HIBADH: variants seen among roughly 807,000 people sequenced by gnomAD.
HIBADH encodes 3-hydroxyisobutyrate dehydrogenase.
A neutral mutation model predicts 36.1 loss-of-function variants in HIBADH; 25 were observed. The observed-to-expected ratio is 0.69, with a 90% CI of 0.50 to 0.97. The LOEUF (loss-of-function observed/expected upper bound fraction) is 0.97. Among genes scored for constraint, HIBADH ranks in the 50% least tolerant of loss-of-function variants. The pLI is 0.00. For synonymous variants in HIBADH, 160 were observed against 149.5 expected (o/e 1.07, Z -0.51); for missense variants, 421 against 418.0 (o/e 1.01, Z -0.06).
chr7:27,640,064 G>A (rs1011750229), intron 2 of HIBADH, among the ~76,000 whole-genome samples: 5 of 152,148 alleles, frequency 3.3e-5, no homozygotes, highest in South Asian at 2.1e-4. Context: ...GCCACCCTCC[G>A]TGCCCAGTGG....
intron 4 of HIBADH, among the ~76,000 whole-genome samples, chr7:27,566,374 C>CAA (rs374594799): frequency 3.1e-4 from 45 of 147,170 alleles, no homozygotes; most frequent in African/African-American, 1.0e-3. Flanking sequence ...TTGTGGCTCT[C>CAA]AAAAAAAAAA....
chr7:27,582,053 C>G (rs896751260), intron 4 of HIBADH, among the ~76,000 whole-genome samples: 2 of 152,074 alleles, frequency 1.3e-5, no homozygotes, highest in Admixed American at 1.3e-4. Flanking sequence ...GCCAAAAAGA[C>G]TTCATGCTTT....
intron 1 of HIBADH, among the ~76,000 whole-genome samples, chr7:27,660,752 A>G (rs183474432): frequency 9.2e-5 from 14 of 152,312 alleles, no homozygotes; most frequent in African/African-American, 3.4e-4. Context: ...AATTTATCAG[A>G]AATCTATATT....
intron 6 of HIBADH, among the ~76,000 whole-genome samples, chr7:27,535,078 TTTA>T (rs1200812727): frequency 1.3e-5 from 2 of 148,406 alleles, no homozygotes; most frequent in African/African-American, 2.5e-5. Flanking sequence ...ATTTTATGAG[TTTA>T]TTAAGAAATT....
chr7:27,619,257 A>G (rs115310872), intron 4 of HIBADH, among the ~76,000 whole-genome samples: 5,199 of 152,286 alleles, frequency 0.034, 116 homozygotes, highest in South Asian at 0.093. Flanking sequence ...AACCGTAATC[A>G]AAGCCAAAGA....
At chr7:27,607,125 T>A (rs1196205540) in intron 4 of HIBADH, among the ~76,000 whole-genome samples, 3 of 152,256 alleles carry the variant, frequency 2.0e-5, no homozygotes, top group Non-Finnish European at 4.4e-5. Context: ...TGAAAAGCTG[T>A]TGATTTTATA....
chr7:27,553,434 CACA>C (rs1784347975), intron 4 of HIBADH, among the ~76,000 whole-genome samples: 3 of 152,190 alleles, frequency 2.0e-5, no homozygotes, highest in Non-Finnish European at 2.9e-5. Flanking sequence ...AAAGTCAGAT[CACA>C]ACAACTGTCA....
At chr7:27,571,977 T>C (rs1784634624) in intron 4 of HIBADH, among the ~76,000 whole-genome samples, 1 of 152,214 alleles carries the variant, frequency 6.6e-6, no homozygotes, top group South Asian at 2.1e-4. Context: ...ATTCTTTAAC[T>C]AGCAGGCTTA....
chr7:27,526,751 G>A (rs111843960), intron 7 of HIBADH, among the ~76,000 whole-genome samples: 6 of 152,304 alleles, frequency 3.9e-5, no homozygotes, highest in African/African-American at 1.4e-4. Context: ...AGGAAATACA[G>A]TTGCAAATAT....
chr7:27,539,468 A>AGTGT (rs139346777), intron 5 of HIBADH, among the ~76,000 whole-genome samples: 11 of 151,532 alleles, frequency 7.3e-5, no homozygotes, highest in Admixed American at 4.0e-4. Context: ...GAGGAGAGAG[A>AGTGT]GTGTGTGTGT....
chr7:27,586,985 C>A (rs966549077), intron 4 of HIBADH, among the ~76,000 whole-genome samples: 8 of 152,230 alleles, frequency 5.3e-5, no homozygotes, highest in Non-Finnish European at 1.0e-4. Context: ...GCGCAACGTG[C>A]CACCCAGCTG....
chr7:27,572,072 C>T (rs1445585494), intron 4 of HIBADH, among the ~76,000 whole-genome samples: 1 of 152,168 alleles, frequency 6.6e-6, no homozygotes, highest in East Asian at 1.9e-4. Context: ...GGCTTTCTCA[C>T]TTTGTGTGAG....
chr7:27,538,251 A>C (rs1035548801), intron 6 of HIBADH, 90 bp downstream of exon 6: 16 of 971,474 alleles, frequency 1.6e-5, no homozygotes, highest in Non-Finnish European at 2.2e-5. Flanking sequence ...CAACTCATTT[A>C]TCTCTCATGA....
chr7:27,583,478 A>G (rs1053472494), intron 4 of HIBADH, among the ~76,000 whole-genome samples: 1 of 152,042 alleles, frequency 6.6e-6, no homozygotes, highest in Admixed American at 6.6e-5. Context: ...AGAAAAAGCT[A>G]CCTAATACCT....
intron 4 of HIBADH, among the ~76,000 whole-genome samples, chr7:27,554,965 T>C (rs529368257): frequency 6.6e-6 from 1 of 152,282 alleles, no homozygotes; most frequent in African/African-American, 2.4e-5. Context: ...ATGCATAGCC[T>C]TTTGCAACCA....
intron 4 of HIBADH, among the ~76,000 whole-genome samples, chr7:27,553,350 T>C (rs905663301): frequency 7.9e-5 from 12 of 152,366 alleles, no homozygotes; most frequent in African/African-American, 2.9e-4. Context: ...GCCGTTCTTC[T>C]ATCCCAAGTT....
intron 4 of HIBADH, among the ~76,000 whole-genome samples, chr7:27,595,787 G>T (rs1318452900): frequency 6.6e-6 from 1 of 152,076 alleles, no homozygotes; most frequent in East Asian, 1.9e-4. Context: ...GCTGCTGAAT[G>T]AATAAATCTA....
At chr7:27,538,196 T>G in intron 6 of HIBADH, 145 bp downstream of exon 6, 1 of 648,738 alleles carries the variant, frequency 1.5e-6, no homozygotes, top group Non-Finnish European at 2.7e-6. Context: ...ATAAGCAAAG[T>G]CTATTAAAGT....
At chr7:27,650,179 A>C (rs886069361) in intron 1 of HIBADH, among the ~76,000 whole-genome samples, 1 of 151,902 alleles carries the variant, frequency 6.6e-6, no homozygotes, top group Non-Finnish European at 1.5e-5. Flanking sequence ...AAAAGACAGA[A>C]AGTATTCAAA....
Sources: allele counts gnomAD v4.1 joint callset (sites outside exome capture counted in the v4.1 genomes callset), GRCh38; gene constraint gnomAD v4.1.1; transcripts MANE v1.5; gene names NCBI Gene and HGNC (gene_info 2026-07-23, HGNC 2026-07-21).